APP: variants seen among roughly 807,000 people sequenced by gnomAD.
APP encodes amyloid beta precursor protein.
APP carries 31 observed loss-of-function variants against 101.4 expected under a neutral mutation model. That is an observed-to-expected ratio of 0.31 (90% CI 0.23 to 0.41). The LOEUF is 0.41. APP is among the 10% of genes least tolerant of loss of function. The pLI, the probability that APP is intolerant of heterozygous loss-of-function variation, is 1.00. For missense variants in APP, 839 were observed against 1,003.7 expected, an observed-to-expected ratio of 0.84 and a Z score of 2.22; for synonymous variants, 366 against 364.4, an observed-to-expected ratio of 1.00 and a Z score of -0.05.
At chr21:26,000,256 A>C (rs2043236481) in intron 6 of APP, 74 bp from the exon 7 acceptor site, 2 of 1,581,040 alleles carry the variant, frequency 1.3e-6, no homozygotes, top group Non-Finnish European at 1.7e-6. Context: ...ATACACGTTT[A>C]CTTCTTTTAA....
chr21:26,084,789 G>A lies in APP; in HGVS notation c.355+5154C>T, dbSNP rs193204288. Among the ~76,000 whole-genome samples the A allele has an allele frequency of 7.2e-4, 108 of 150,708 alleles. 1 individual carries two copies. The highest frequency in any genetic ancestry group is 2.4e-3 in the African/African-American group (95 of 40,072). On this transcript the variant is annotated intron_variant, in intron 3 of 17. Transcript: ENST00000346798. ...TTTGTTGAAGATCGTATGAATGAAC[G>A]TTATTTTCTTTTATTTTGGCATCAT...
rs1159929811 is a variant in APP at position 25,891,803 on chromosome 21, A to G, written c.2130T>C (p.Val710=). ...GAIIGLMVGG[V]VIATVIVITL... is the part of the protein sequence containing the mutation. ...TGATGACGATCACTGTCGCTATGAC[A>G]ACACCGCCCACCATGAGTCCAATGA... The change falls in exon 17 of 18, where the codon GTT becomes GTC. Residue 710 remains valine, a synonymous_variant. Transcript: ENST00000346798. The G allele has an allele frequency of 6.2e-7, 1 of 1,614,054 alleles. No individual in the cohort carries two copies. Among genetic ancestry groups the G allele is most frequent in the Non-Finnish European group, 8.5e-7 (1 of 1,180,018 alleles).
At chr21:25,944,953 C>T (rs924188403) in intron 13 of APP, among the ~76,000 whole-genome samples, 26 of 152,168 alleles carry the variant, frequency 1.7e-4, no homozygotes, top group African/African-American at 6.0e-4. Context: ...CAGGGCCATA[C>T]AAACGAGCTG....
intron 1 of APP, among the ~76,000 whole-genome samples, chr21:26,122,919 G>C (rs998578233): frequency 6.6e-6 from 1 of 152,076 alleles, no homozygotes; most frequent in Admixed American, 6.5e-5. Context: ...TTTTGTTCTT[G>C]TCTCTCATAT....
rs550025118 is a variant in APP at position 25,885,201 on chromosome 21, C to T, written c.2212-3430G>A. 5.3e-5 allele frequency among the ~76,000 whole-genome samples: 8 copies of T among 152,264 alleles called. No homozygotes were observed. In the South Asian group the frequency reaches 8.3e-4, roughly 16 times the overall value. On this transcript the variant is annotated intron_variant, in intron 17 of 17. Transcript: ENST00000346798. ...TCTCCAGCCCCTTGAAAGCTAGATGCGAAAATCTGAGTACTCATGTCTATG... is the reference window on the plus strand; with the variant it reads ...TCTCCAGCCCCTTGAAAGCTAGATGTGAAAATCTGAGTACTCATGTCTATG...
At chr21:25,909,833 A>G (rs1455450634) in intron 14 of APP, among the ~76,000 whole-genome samples, 2 of 152,218 alleles carry the variant, frequency 1.3e-5, no homozygotes, top group Non-Finnish European at 2.9e-5. Flanking sequence ...CAGGTCTTTG[A>G]TAATGAACTG....
At chr21:26,016,936 G>A (rs1568860835) in intron 6 of APP, among the ~76,000 whole-genome samples, 8 of 7,594 alleles carry the variant, frequency 1.1e-3, no homozygotes, top group African/African-American at 2.0e-3. Context: ...TTTGTGGGGG[G>A]CGGGGGGCGG....
chr21:26,126,985 A>C (rs73168380), intron 1 of APP, among the ~76,000 whole-genome samples: 1 of 151,852 alleles, frequency 6.6e-6, no homozygotes, highest in African/African-American at 2.4e-5. Flanking sequence ...AGCAAAAAAA[A>C]AAAACGTTAA....
At chr21:26,103,858 A>T (rs2062120003) in intron 2 of APP, among the ~76,000 whole-genome samples, 1 of 152,216 alleles carries the variant, frequency 6.6e-6, no homozygotes, top group Admixed American at 6.5e-5. Context: ...GTTAATTCTC[A>T]CAACACTTTG....
intron 6 of APP, among the ~76,000 whole-genome samples, chr21:26,016,935 G>T (rs1333540462): frequency 6.0e-5 from 1 of 16,638 alleles, no homozygotes; most frequent in African/African-American, 3.4e-4. Flanking sequence ...CTTTGTGGGG[G>T]GCGGGGGGCG....
chr21:25,885,828 T>A (rs906431853), intron 17 of APP, among the ~76,000 whole-genome samples: 1 of 152,212 alleles, frequency 6.6e-6, no homozygotes, highest in Non-Finnish European at 1.5e-5. Flanking sequence ...AACCATTTAG[T>A]CCTTCACTGT....
At chr21:26,133,005 G>A (rs948330767) in intron 1 of APP, among the ~76,000 whole-genome samples, 4 of 151,876 alleles carry the variant, frequency 2.6e-5, no homozygotes, top group African/African-American at 4.8e-5. Context: ...AGGGAGGCAT[G>A]GGTGGGTAGA....
chr21:26,087,794 GATTA>G (rs1179837149), intron 3 of APP, among the ~76,000 whole-genome samples: 1 of 152,158 alleles, frequency 6.6e-6, no homozygotes, highest in African/African-American at 2.4e-5. Flanking sequence ...TGGTAGATGA[GATTA>G]ATTATTTAAA....
At chr21:25,946,192 G>A (rs1256562142) in intron 13 of APP, among the ~76,000 whole-genome samples, 1 of 152,104 alleles carries the variant, frequency 6.6e-6, no homozygotes, top group African/African-American at 2.4e-5. Flanking sequence ...CCATACCATA[G>A]TAACTGCCAC....
intron 13 of APP, among the ~76,000 whole-genome samples, chr21:25,947,439 T>C (rs371948980): frequency 1.3e-5 from 2 of 152,216 alleles, no homozygotes; most frequent in African/African-American, 4.8e-5. Flanking sequence ...CATTTCAACA[T>C]GGCAGTCCAA....
intron 3 of APP, chr21:26,068,239 T>C (rs1463604217): frequency 6.6e-6 from 1 of 152,258 alleles, no homozygotes; most frequent in Non-Finnish European, 1.5e-5. Context: ...TCACTTGTTC[T>C]TTCCAACCTA....
rs1371336849 is a variant in APP, at chr21:26,000,167, T to C, written c.881A>G (p.Gln294Arg). 3 of 1,614,220 alleles carry C rather than the reference T, an allele frequency of 1.9e-6. No homozygotes were observed. Among genetic ancestry groups the C allele is most frequent in the Non-Finnish European group, 2.5e-6 (3 of 1,180,036 alleles). The change falls in exon 7 of 18, where the codon CAA (glutamine) becomes CGA (arginine). Residue 294 changes from glutamine (Q) to arginine (R), a missense_variant. By Grantham distance (43) the Gln-to-Arg change is conservative. Transcript: ENST00000346798. ...EEVVREVCSE[Q>R]AETGPCRAMI... ...TGCTCGGCACGGCCCCGTCTCGGCT[T>C]GTTCAGAGCACACCTCTAATCAGAG...
intron 11 of APP, among the ~76,000 whole-genome samples, chr21:25,956,944 T>G (rs1314475130): frequency 2.6e-5 from 4 of 152,194 alleles, no homozygotes; most frequent in Non-Finnish European, 5.9e-5. Flanking sequence ...CCCTCTTTAA[T>G]GTGAGATCCA....
rs63750264 is a variant in APP, at chr21:25,891,784, C to T, written c.2149G>A (p.Val717Ile). The T allele has an allele frequency of 1.2e-6, 2 of 1,613,870 alleles. No individual in the cohort carries two copies. The highest frequency in any genetic ancestry group is 1.7e-6 in the Non-Finnish European group (2 of 1,179,800). Reference sequence around the variant, plus strand: ...TTCTTCAGCATCACCAAGGTGATGACGATCACTGTCGCTATGACAACACCG... The same window carrying T: ...TTCTTCAGCATCACCAAGGTGATGATGATCACTGTCGCTATGACAACACCG... ...VGGVVIATVI[V>I]ITLVMLKKKQ... is the part of the protein sequence containing the mutation. The change falls in exon 17 of 18, where the codon GTC (valine) becomes ATC (isoleucine). Residue 717 changes from valine to isoleucine, a missense_variant. Coordinates refer to ENST00000346798, the MANE Select transcript of APP (RefSeq NM_000484.4).
Sources: gnomAD v4.1 joint callset for allele counts (sites outside exome capture counted in the v4.1 genomes callset) on GRCh38, gnomAD v4.1.1 for gene constraint, MANE v1.5 for transcripts, NCBI Gene and HGNC (gene_info 2026-07-23, HGNC 2026-07-21) for gene names.